MYO9A: variants seen among roughly 807,000 people sequenced by gnomAD.
MYO9A encodes the protein unconventional myosin-IXa.
MYO9A carries 103 observed loss-of-function variants against 293.3 expected under a neutral mutation model. The observed-to-expected ratio is 0.35, with a 90% CI of 0.30 to 0.41. MYO9A has a LOEUF of 0.41. Among genes scored for constraint, MYO9A ranks in the 10% least tolerant of loss-of-function variants. The pLI, the probability that MYO9A is intolerant of heterozygous loss-of-function variation, is 1.00. For missense variants in MYO9A, 2,685 were observed against 3,033.0 expected (o/e 0.89, Z 2.69); for synonymous variants, 1,001 against 1,035.7 (o/e 0.97, Z 0.64).
intron 1 of MYO9A, 88 bp from the exon 2 acceptor site, chr15:72,046,722 T>C (rs2078395467): frequency 1.2e-6 from 1 of 834,024 alleles, no homozygotes; most frequent in South Asian, 2.8e-5. Context: ...AGCATGTTGA[T>C]TACATCTTCT....
At chr15:72,028,240 A>ATATATATATAT (rs1429916158) in intron 3 of MYO9A, among the ~76,000 whole-genome samples, 3 of 79,700 alleles carry the variant, frequency 3.8e-5, no homozygotes, top group Admixed American at 2.3e-4. Flanking sequence ...TATATATATA[A>ATATATATATAT]ATATATATAT....
At chr15:72,012,325 C>T (rs1287087855) in intron 6 of MYO9A, among the ~76,000 whole-genome samples, 2 of 151,952 alleles carry the variant, frequency 1.3e-5, no homozygotes, top group Non-Finnish European at 2.9e-5. Flanking sequence ...GATGGAGTGT[C>T]GCACTTGTTG....
chr15:72,012,645 C>A (rs1032424246), intron 6 of MYO9A, among the ~76,000 whole-genome samples: 1 of 152,066 alleles, frequency 6.6e-6, no homozygotes. Flanking sequence ...TAGTAAGTAA[C>A]CTTTTGTAAA....
At chr15:71,892,719 AC>A (rs1386644299) in intron 26 of MYO9A, 3 of 248,196 alleles carry the variant, frequency 1.2e-5, no homozygotes, top group Non-Finnish European at 2.4e-5. Flanking sequence ...CTTTTAGGAT[AC>A]AACATGGAAA....
chr15:72,107,418 G>A (rs1356562039), intron 1 of MYO9A, among the ~76,000 whole-genome samples: 5 of 151,898 alleles, frequency 3.3e-5, no homozygotes, highest in African/African-American at 9.7e-5. Flanking sequence ...GTATAGTGGC[G>A]CGCGCCTGTA....
intron 8 of MYO9A, among the ~76,000 whole-genome samples, chr15:72,005,553 C>A (rs1230242384): frequency 2.6e-5 from 4 of 152,098 alleles, no homozygotes; most frequent in Non-Finnish European, 5.9e-5. Context: ...AAATTACAAC[C>A]CTCAGATACC....
At chr15:71,872,791 G>A (rs890592463) in intron 32 of MYO9A, among the ~76,000 whole-genome samples, 2 of 152,082 alleles carry the variant, frequency 1.3e-5, no homozygotes, top group Admixed American at 1.3e-4. Context: ...TGTGAGTACA[G>A]ATATTAAAAT....
chr15:71,901,071 T>C lies in MYO9A; in HGVS notation c.3150+120A>G, dbSNP rs113094551. ...GAGCACTTCAAAATTGGGTACGACATATTCTCATTTCTGAAGTTCACATTA... is the reference window on the plus strand; with the variant it reads ...GAGCACTTCAAAATTGGGTACGACACATTCTCATTTCTGAAGTTCACATTA... On this transcript the variant is annotated intron_variant, in intron 23 of 41. Coordinates refer to ENST00000356056, the MANE Select transcript of MYO9A (RefSeq NM_006901.4). 179 of 1,093,228 alleles carry C rather than the reference T, an allele frequency of 1.6e-4. 3 individuals carry two copies. In the South Asian group the frequency reaches 2.4e-3, roughly 15 times the overall value. The allele number at this position is 1,093,228 out of a possible 1,614,324, so 67.7% of individuals were successfully genotyped here. A position where few individuals can be genotyped will look rare whatever the true frequency, so the allele number is the denominator to read the frequency against.
At chr15:71,879,280 T>C (rs1165146286) in intron 30 of MYO9A, among the ~76,000 whole-genome samples, 2 of 152,328 alleles carry the variant, frequency 1.3e-5, no homozygotes, top group East Asian at 3.9e-4. Flanking sequence ...CTCAAAGTGA[T>C]ATAAACTGAT....
At chr15:72,052,330 A>G (rs2078591089) in intron 1 of MYO9A, among the ~76,000 whole-genome samples, 2 of 152,052 alleles carry the variant, frequency 1.3e-5, no homozygotes, top group South Asian at 4.1e-4. Context: ...TGCAGAGAGG[A>G]GCTACCCACT....
At chr15:72,096,687 C>T (rs2080074799) in intron 1 of MYO9A, among the ~76,000 whole-genome samples, 1 of 152,174 alleles carries the variant, frequency 6.6e-6, no homozygotes, top group Non-Finnish European at 1.5e-5. Context: ...GACAGTGATT[C>T]CCCTTATGGA....
rs1341385992 is a variant in MYO9A, at chr15:71,898,136, G to C, written c.4367C>G (p.Thr1456Ser). 2 of 1,613,984 alleles carry C rather than the reference G, an allele frequency of 1.2e-6. No individual in the cohort carries two copies. The highest frequency in any genetic ancestry group is 1.7e-6 in the Non-Finnish European group (2 of 1,180,028). Residue 1456 changes from threonine to serine, a missense_variant, in exon 25 of 42, where the codon ACT (threonine) becomes AGT (serine). By Grantham distance (58) the Thr-to-Ser change is moderately conservative (BLOSUM62 1). This residue lies in a region of MYO9A where 1,434 missense variants were observed against 1,497.7 expected (regional missense o/e 0.96). Coordinates refer to ENST00000356056, the MANE Select transcript of MYO9A (RefSeq NM_006901.4). ...TCTAGTTTCCCTGTTGATATCCAAA[G>C]TAAGAGCTTCCCCCGCTGTGTCTTC... ...ENEDTAGEAL[T>S]LDINRETRRY...
intron 30 of MYO9A, 97 bp downstream of exon 30, chr15:71,879,624 T>A (rs982066752): frequency 1.2e-6 from 1 of 856,434 alleles, no homozygotes; most frequent in African/African-American, 1.7e-5. Flanking sequence ...ACTGGAGAAA[T>A]CTCTTACGAA....
At chr15:72,089,699 C>T (rs994534525) in intron 1 of MYO9A, among the ~76,000 whole-genome samples, 41 of 152,014 alleles carry the variant, frequency 2.7e-4, no homozygotes, top group African/African-American at 9.4e-4. Context: ...GAGGAAAGCT[C>T]GAGCCCCAAA....
chr15:71,824,772 T>C lies in MYO9A; in HGVS notation c.*1808A>G, dbSNP rs1441599411. ...CTGGAGATTTTAATGGCTTCCTTTC[T>C]CTGGCTCAATTCTGAACCCAAAGTA... is the stretch of plus-strand genomic sequence containing the variant. On this transcript the variant is annotated 3_prime_UTR_variant, in exon 42 of 42. Coordinates refer to ENST00000356056, the MANE Select transcript of MYO9A (RefSeq NM_006901.4). 6.6e-6 allele frequency: 1 copy of C among 152,204 alleles called. No individual in the cohort carries two copies. Among genetic ancestry groups the C allele is most frequent in the African/African-American group, 2.4e-5 (1 of 41,446 alleles). The allele number at this position is 152,204 out of a possible 1,614,324, so 9.4% of individuals were successfully genotyped here. A position where few individuals can be genotyped will look rare whatever the true frequency, so the allele number is the denominator to read the frequency against.
intron 2 of MYO9A, 33 bp from the exon 3 acceptor site, chr15:72,032,621 T>TA (rs746438325): frequency 0.055 from 63,543 of 1,162,890 alleles, no homozygotes; most frequent in Non-Finnish European, 0.058. Flanking sequence ...TTAGTTTCAC[T>TA]AAAAAAAAAA....
chr15:72,101,655 C>T (rs2080331618), intron 1 of MYO9A, among the ~76,000 whole-genome samples: 1 of 141,996 alleles, frequency 7.0e-6, no homozygotes, highest in South Asian at 2.2e-4. Flanking sequence ...GGGTCAGGCC[C>T]CGCCCGGCCA....
chr15:72,091,428 C>A (rs914241061), intron 1 of MYO9A, among the ~76,000 whole-genome samples: 4 of 152,092 alleles, frequency 2.6e-5, no homozygotes, highest in African/African-American at 9.7e-5. Context: ...GACATTTCCA[C>A]ATGGCTAAAA....
chr15:71,971,909 A>G (rs2076022752), intron 12 of MYO9A, among the ~76,000 whole-genome samples: 1 of 151,822 alleles, frequency 6.6e-6, no homozygotes, highest in African/African-American at 2.4e-5. Flanking sequence ...AGGCCTCAGG[A>G]GCAGGCCTCA....
Sources: allele counts gnomAD v4.1 joint callset (sites outside exome capture counted in the v4.1 genomes callset), GRCh38; gene constraint gnomAD v4.1.1; regional missense constraint gnomAD v4.1.1; transcripts MANE v1.5; gene names NCBI Gene and HGNC (gene_info 2026-07-23, HGNC 2026-07-21).